Variants in PALLD observed in about 807,000 individuals in gnomAD.
PALLD encodes the protein palladin.
A neutral mutation model predicts 123.5 loss-of-function variants in PALLD; 61 were observed. That is an observed-to-expected ratio of 0.49 (90% CI 0.40 to 0.61). The LOEUF (loss-of-function observed/expected upper bound fraction) is 0.61. Ranked by LOEUF, PALLD falls within the 20% of genes least tolerant of loss-of-function variation. The pLI is 0.00. For synonymous variants in PALLD, 465 were observed against 496.4 expected, an observed-to-expected ratio of 0.94 and a Z score of 0.84; for missense variants, 1,273 against 1,377.0, an observed-to-expected ratio of 0.92 and a Z score of 1.20.
chr4:168,791,130 G>C (rs765682981), intron 10 of PALLD, among the ~76,000 whole-genome samples: 1 of 152,202 alleles, frequency 6.6e-6, no homozygotes, highest in Non-Finnish European at 1.5e-5. Context: ...CCAGGAGGAA[G>C]TGTGTTTGCA....
At chr4:168,625,477 T>A (rs1384219764) in intron 2 of PALLD, among the ~76,000 whole-genome samples, 1 of 37,636 alleles carries the variant, frequency 2.7e-5, no homozygotes, top group Non-Finnish European at 7.3e-5. Flanking sequence ...AAATCACATA[T>A]CCAATAAGGG....
intron 10 of PALLD, among the ~76,000 whole-genome samples, chr4:168,733,094 T>C (rs1160521381): frequency 2.6e-5 from 4 of 152,244 alleles, no homozygotes; most frequent in African/African-American, 9.6e-5. Context: ...GTACATGTGA[T>C]ATTTTAATAC....
At chr4:168,913,852 G>T in intron 15 of PALLD, 75 bp from the exon 16 acceptor site, 1 of 951,706 alleles carries the variant, frequency 1.1e-6, no homozygotes, top group South Asian at 1.3e-5. Context: ...ATAGAGAATA[G>T]GACAGTAGGC....
At chr4:168,587,954 G>C (rs752402132) in intron 2 of PALLD, among the ~76,000 whole-genome samples, 3 of 152,112 alleles carry the variant, frequency 2.0e-5, no homozygotes, top group Admixed American at 6.5e-5. Context: ...TGCGAGGCGT[G>C]TCACAAGAAG....
At chr4:168,706,125 T>G (rs767571936) in intron 8 of PALLD, among the ~76,000 whole-genome samples, 11 of 152,224 alleles carry the variant, frequency 7.2e-5, no homozygotes, top group Non-Finnish European at 1.2e-4. Context: ...TCATCTTGCA[T>G]GAGTGAAACT....
At chr4:168,544,914 T>G (rs1297859999) in intron 2 of PALLD, among the ~76,000 whole-genome samples, 1 of 152,176 alleles carries the variant, frequency 6.6e-6, no homozygotes, top group African/African-American at 2.4e-5. Flanking sequence ...GTGGGTCTCT[T>G]GGGACACAAA....
chr4:168,845,083 C>T lies in PALLD; in HGVS notation c.1965-45839C>T, dbSNP rs574455564. Among the ~76,000 whole-genome samples, 253 of 151,968 alleles carry T rather than the reference C, an allele frequency of 1.7e-3. 4 individuals carry two copies. Among genetic ancestry groups the T allele is most frequent in the South Asian group, 4.8e-3 (23 of 4,798 alleles). ...GCTGGAGGGGGGAGGGCTGTGTGTC[C>T]GGAGGATGGCAGGTGACTGGTGTGG... On this transcript the variant is annotated intron_variant, in intron 10 of 21. Coordinates refer to ENST00000505667, the MANE Select transcript of PALLD (RefSeq NM_001166108.2).
At chr4:168,615,557 A>G (rs1774149172) in intron 2 of PALLD, among the ~76,000 whole-genome samples, 1 of 152,146 alleles carries the variant, frequency 6.6e-6, no homozygotes, top group Non-Finnish European at 1.5e-5. Context: ...TCCTTCTTGG[A>G]TTAGGTTTTG....
At chr4:168,694,273 A>G (rs2150135062) in intron 8 of PALLD, among the ~76,000 whole-genome samples, 1 of 152,368 alleles carries the variant, frequency 6.6e-6, no homozygotes, top group East Asian at 1.9e-4. Context: ...ATCTGAGGCA[A>G]GAGATAAATT....
Position 168,898,734 on chromosome 4 carries a change from C to T in PALLD, c.2472+20C>T, listed in dbSNP as rs774996623. On this transcript the variant is annotated intron_variant, in intron 14 of 21. Coordinates refer to ENST00000505667, the MANE Select transcript of PALLD (RefSeq NM_001166108.2). ...CCAAAGGTGAGCTGGGAGATGGAGG[C>T]TTTTTAAGAGTCATTCTCTGAGGAA... 2.6e-6 allele frequency: 4 copies of T among 1,518,014 alleles called. No individual in the cohort carries two copies. In the African/African-American group the frequency reaches 4.1e-5, roughly 16 times the overall value. The allele number at this position is 1,518,014 out of a possible 1,614,324, so 94.0% of individuals were successfully genotyped here.
chr4:168,803,846 C>T (rs1205842842), intron 10 of PALLD, among the ~76,000 whole-genome samples: 1 of 152,192 alleles, frequency 6.6e-6, no homozygotes, highest in East Asian at 1.9e-4. Context: ...GACTTCAGTG[C>T]AAAACGGTGT....
intron 10 of PALLD, among the ~76,000 whole-genome samples, chr4:168,735,653 C>T (rs948834365): frequency 5.9e-5 from 9 of 152,148 alleles, no homozygotes; most frequent in Non-Finnish European, 1.0e-4. Flanking sequence ...ACTGTTGTTT[C>T]TGCGTGCTTC....
At chr4:168,590,837 G>A (rs1458643020) in intron 2 of PALLD, among the ~76,000 whole-genome samples, 4 of 142,106 alleles carry the variant, frequency 2.8e-5, no homozygotes, top group Non-Finnish European at 4.6e-5. Context: ...AGAGTATGCC[G>A]TCTTTACTCA....
At chr4:168,858,372 A>G (rs1317083524) in intron 10 of PALLD, among the ~76,000 whole-genome samples, 2 of 152,218 alleles carry the variant, frequency 1.3e-5, no homozygotes, top group African/African-American at 4.8e-5. Flanking sequence ...TTAAGATGCT[A>G]TCTTTTATTT....
chr4:168,799,203 C>T (rs1738953877), intron 10 of PALLD, among the ~76,000 whole-genome samples: 1 of 152,182 alleles, frequency 6.6e-6, no homozygotes, highest in East Asian at 1.9e-4. Context: ...TTGGCCAAGA[C>T]TCAACCACTG....
rs76601502 is a variant in PALLD at position 168,508,282 on chromosome 4, A to T, written c.-82-3141A>T. ...GTATAATTATTATTTGTCAATTTAAAAAATAAAATACAATTTAAAAAAAGA... is the reference window on the plus strand; with the variant it reads ...GTATAATTATTATTTGTCAATTTAATAAATAAAATACAATTTAAAAAAAGA... On this transcript the variant is annotated intron_variant, in intron 1 of 21. Coordinates refer to ENST00000505667, the MANE Select transcript of PALLD (RefSeq NM_001166108.2). Among the ~76,000 whole-genome samples the T allele has an allele frequency of 2.2e-3, 335 of 152,360 alleles. 1 individual carries two copies. Among genetic ancestry groups the T allele is most frequent in the African/African-American group, 7.5e-3 (311 of 41,582 alleles).
chr4:168,803,838 CT>C (rs1007291777), intron 10 of PALLD, among the ~76,000 whole-genome samples: 139 of 152,300 alleles, frequency 9.1e-4, no homozygotes, highest in African/African-American at 3.2e-3. Flanking sequence ...TGGGAGAGGA[CT>C]TCAGTGCAAA....
chr4:168,800,873 C>T (rs1183701389), intron 10 of PALLD, among the ~76,000 whole-genome samples: 1 of 152,168 alleles, frequency 6.6e-6, no homozygotes, highest in Non-Finnish European at 1.5e-5. Context: ...AGTCCATCAA[C>T]AGTAGAACAA....
In PALLD at chr4:168,926,894, C is replaced by T; in HGVS notation, c.*714C>T. On this transcript the variant is annotated 3_prime_UTR_variant, in exon 22 of 22. Transcript: ENST00000505667. ...ATGACAAAGAAATCCAAGTAAATGCCTTGTCTTTGCAAATGTTTTTATATT... is the reference window on the plus strand; with the variant it reads ...ATGACAAAGAAATCCAAGTAAATGCTTTGTCTTTGCAAATGTTTTTATATT... 1 of 219,162 alleles carries T rather than the reference C, an allele frequency of 4.6e-6. No individual in the cohort carries two copies. Among genetic ancestry groups the T allele is most frequent in the Non-Finnish European group, 9.2e-6 (1 of 109,108 alleles). The allele number at this position is 219,162 out of a possible 1,614,324, so 13.6% of individuals were successfully genotyped here. A position where few individuals can be genotyped will look rare whatever the true frequency, so the allele number is the denominator to read the frequency against.
Sources: allele counts gnomAD v4.1 joint callset (sites outside exome capture counted in the v4.1 genomes callset), GRCh38; gene constraint gnomAD v4.1.1; transcripts MANE v1.5; gene names NCBI Gene and HGNC (gene_info 2026-07-23, HGNC 2026-07-21).